Variants in ATF7 observed in about 807,000 individuals in gnomAD.
ATF7 encodes cyclic AMP-dependent transcription factor ATF-7.
In ATF7, 10 loss-of-function variants were observed where a neutral mutation model predicts 50.4. The observed-to-expected ratio is 0.20, with a 90% confidence interval of 0.12 to 0.34. The LOEUF (loss-of-function observed/expected upper bound fraction) is 0.34, where lower values mean the gene tolerates loss of function less well. Ranked by LOEUF, ATF7 falls within the 10% of genes least tolerant of loss-of-function variation. The pLI is 1.00. For missense variants in ATF7, 465 were observed against 613.9 expected, an observed-to-expected ratio of 0.76 and a Z score of 2.56; for synonymous variants, 201 against 226.4, an observed-to-expected ratio of 0.89 and a Z score of 1.01.
At chr12:53,574,845 T>C (rs192355441) in intron 2 of ATF7, 3 of 332,196 alleles carry the variant, frequency 9.0e-6, no homozygotes, top group Middle Eastern at 1.1e-3. Context: ...AATAGACATA[T>C]ATTAAAAGAA....
chr12:53,596,097 G>A (rs1406388902), intron 2 of ATF7, among the ~76,000 whole-genome samples: 2 of 152,028 alleles, frequency 1.3e-5, no homozygotes, highest in Non-Finnish European at 2.9e-5. Flanking sequence ...TCAGGAGTTC[G>A]AGACCAGCCT....
chr12:53,574,953 CAAAAAA>C, intron 2 of ATF7: 1 of 168,376 alleles, frequency 5.9e-6, no homozygotes, highest in Non-Finnish European at 1.2e-5. Context: ...GAGCTTAAGC[CAAAAAA>C]AAAAAAAAAT....
intron 8 of ATF7, 59 bp downstream of exon 8, chr12:53,532,451 C>T: frequency 7.4e-7 from 1 of 1,353,524 alleles, no homozygotes; most frequent in Non-Finnish European, 1.0e-6. Flanking sequence ...AAGACCTAGG[C>T]TGGTATCACC....
intron 5 of ATF7, among the ~76,000 whole-genome samples, chr12:53,537,077 T>C (rs1939266406): frequency 6.7e-6 from 1 of 150,020 alleles, no homozygotes; most frequent in South Asian, 2.1e-4. Context: ...TAATACATAC[T>C]TTTTTTTTTC....
chr12:53,612,048 T>C (rs1334455438), intron 1 of ATF7, among the ~76,000 whole-genome samples: 1 of 151,950 alleles, frequency 6.6e-6, no homozygotes, highest in Non-Finnish European at 1.5e-5. Context: ...CCATCTCAGC[T>C]CATTGCCACC....
Position 53,596,565 on chromosome 12 carries a change from C to A in ATF7, c.48+4388G>T, listed in dbSNP as rs185708695. Among the ~76,000 whole-genome samples the A allele has an allele frequency of 1.1e-3, 160 of 152,166 alleles. 1 individual carries two copies. Among genetic ancestry groups the A allele is most frequent in the African/African-American group, 3.7e-3 (153 of 41,510 alleles). On this transcript the variant is annotated intron_variant, in intron 2 of 11. Coordinates refer to ENST00000420353, the MANE Select transcript of ATF7 (RefSeq NM_006856.3). Reference sequence around the variant, plus strand: ...CTGTGTCATGTGCCTGAGAGGGAGGCATAGGAATATGGAATTTGTTGATCC... The same window carrying A: ...CTGTGTCATGTGCCTGAGAGGGAGGAATAGGAATATGGAATTTGTTGATCC...
intron 2 of ATF7, among the ~76,000 whole-genome samples, chr12:53,564,536 A>T (rs1319236686): frequency 6.6e-6 from 1 of 152,200 alleles, no homozygotes; most frequent in Non-Finnish European, 1.5e-5. Context: ...TTTGAATTTT[A>T]CAGGCAGAAT....
rs535270748 is a variant in ATF7 at position 53,622,239 on chromosome 12, T to C, written c.-22+4040A>G. ...ATCGCTTGAAACCGGAAGTTGGAGG[T>C]TGTAGTGAGCTGAGATCGCACCACT... On this transcript the variant is annotated intron_variant, in intron 1 of 11. Coordinates refer to ENST00000420353, the MANE Select transcript of ATF7 (RefSeq NM_006856.3). 3.3e-5 allele frequency among the ~76,000 whole-genome samples: 5 copies of C among 151,362 alleles called. No homozygotes were observed. The East Asian group carries it at 9.7e-4, about 29-fold the overall frequency.
At chr12:53,575,329 C>T (rs984772576) in intron 2 of ATF7, among the ~76,000 whole-genome samples, 1 of 151,932 alleles carries the variant, frequency 6.6e-6, no homozygotes, top group Non-Finnish European at 1.5e-5. Context: ...ATCGCTTGAA[C>T]CCAGGAGGCG....
Position 53,524,481 on chromosome 12 carries a change from T to C in ATF7, c.1125+83A>G. ...TCCTAATTAGAGAATTACCATCTTC[T>C]ATCAAATTGTACCACTTTTTTCTGA... On this transcript the variant is annotated intron_variant, in intron 10 of 11. Coordinates refer to ENST00000420353, the MANE Select transcript of ATF7 (RefSeq NM_006856.3). The surrounding 1 kb of genome is among the most constrained non-coding windows in gnomAD (Gnocchi z 4.6). 6.9e-7 allele frequency: 1 copy of C among 1,459,214 alleles called. No individual in the cohort carries two copies. The highest frequency in any genetic ancestry group is 9.5e-7 in the Non-Finnish European group (1 of 1,056,950). The allele number at this position is 1,459,214 out of a possible 1,614,324, so 90.4% of individuals were successfully genotyped here. A position where few individuals can be genotyped will look rare whatever the true frequency, so the allele number is the denominator to read the frequency against.
Position 53,601,030 on chromosome 12 carries a change from G to T in ATF7, c.-21-9C>A, listed in dbSNP as rs1402190134. ...CATATAGCAGAGAGGAGCTGAGGAGGGGGAGGTGAGGGAAAAAGTTATGTT... is the reference window on the plus strand; with the variant it reads ...CATATAGCAGAGAGGAGCTGAGGAGTGGGAGGTGAGGGAAAAAGTTATGTT... On this transcript the variant is annotated splice_polypyrimidine_tract_variant and intron_variant, in intron 1 of 11. Transcript: ENST00000420353. The T allele has an allele frequency of 6.3e-7, 1 of 1,599,404 alleles. No individual in the cohort carries two copies. The highest frequency in any genetic ancestry group is 2.2e-5 in the East Asian group (1 of 44,766).
At chr12:53,587,843 A>ATATATATATATATATTTTT in intron 2 of ATF7, among the ~76,000 whole-genome samples, 5 of 61,562 alleles carry the variant, frequency 8.1e-5, no homozygotes, top group African/African-American at 1.5e-4. Flanking sequence ...ATATATATAT[A>ATATATATATATATATTTTT]TTTTTTTTTT....
chr12:53,555,376 A>C (rs1175987593), intron 2 of ATF7, among the ~76,000 whole-genome samples: 2 of 151,710 alleles, frequency 1.3e-5, no homozygotes, highest in African/African-American at 4.8e-5. Context: ...TAGTGTATTA[A>C]CCAGGGGTAT....
chr12:53,545,628 G>A (rs1330245364), intron 3 of ATF7, among the ~76,000 whole-genome samples: 3 of 152,072 alleles, frequency 2.0e-5, no homozygotes, highest in South Asian at 4.2e-4. Context: ...GAGCCACCGC[G>A]CCTAGCCAAA....
intron 11 of ATF7, chr12:53,523,049 G>A (rs140010483): frequency 3.0e-5 from 13 of 428,142 alleles, no homozygotes; most frequent in Non-Finnish European, 4.7e-5. Flanking sequence ...ATATGCACCC[G>A]GTAAATATTG....
intron 2 of ATF7, among the ~76,000 whole-genome samples, chr12:53,566,680 C>T (rs1941460536): frequency 6.6e-6 from 1 of 152,184 alleles, no homozygotes; most frequent in Non-Finnish European, 1.5e-5. Context: ...CCTTGATAAA[C>T]TTGCTTAGCT....
intron 1 of ATF7, among the ~76,000 whole-genome samples, chr12:53,625,699 T>C (rs1317474439): frequency 6.6e-6 from 1 of 152,188 alleles, no homozygotes; most frequent in Non-Finnish European, 1.5e-5. Context: ...CAACGGGGTG[T>C]TGTGTCACCA....
chr12:53,613,033 G>C (rs927604389), intron 1 of ATF7, among the ~76,000 whole-genome samples: 1 of 151,988 alleles, frequency 6.6e-6, no homozygotes, highest in African/African-American at 2.4e-5. Context: ...TGAGGCCAAT[G>C]CATTTTTAAA....
intron 2 of ATF7, among the ~76,000 whole-genome samples, chr12:53,558,715 AAGT>A (rs1940904019): frequency 6.6e-6 from 1 of 152,218 alleles, no homozygotes; most frequent in African/African-American, 2.4e-5. Flanking sequence ...TGAAGAAAAA[AAGT>A]AGCAAGAAAG....
Sources: allele counts gnomAD v4.1 joint callset (sites outside exome capture counted in the v4.1 genomes callset), GRCh38; gene constraint gnomAD v4.1.1; non-coding constraint Gnocchi (gnomAD v3.1); transcripts MANE v1.5; gene names NCBI Gene and HGNC (gene_info 2026-07-23, HGNC 2026-07-21).